Variants in PUM1 observed in about 807,000 individuals in gnomAD.
The protein encoded by PUM1 is pumilio RNA binding family member 1, also known as pumilio homolog 1.
In PUM1, 13 loss-of-function variants were observed where a neutral mutation model predicts 131.8. The observed-to-expected ratio is 0.10, with a 90% CI of 0.06 to 0.16. The LOEUF (loss-of-function observed/expected upper bound fraction) is 0.16, where lower values mean the gene tolerates loss of function less well. PUM1 is among the 10% of genes least tolerant of loss of function. The pLI is 1.00. For synonymous variants in PUM1, 509 were observed against 556.5 expected (o/e 0.91, Z 1.20); for missense variants, 961 against 1,512.4 (o/e 0.64, Z 6.05).
chr1:30,952,005 G>A (rs1460553641), intron 16 of PUM1, among the ~76,000 whole-genome samples: 2 of 152,152 alleles, frequency 1.3e-5, no homozygotes, highest in African/African-American at 2.4e-5. Flanking sequence ...ACCAGTTTTC[G>A]AAACACATTT....
intron 20 of PUM1, among the ~76,000 whole-genome samples, 186 bp downstream of exon 20, chr1:30,940,965 C>G (rs1324665085): frequency 2.6e-5 from 4 of 152,156 alleles, no homozygotes; most frequent in Non-Finnish European, 5.9e-5. Flanking sequence ...CTGACTCTAT[C>G]AGAGTAAGAA....
At chr1:31,049,597 T>C (rs1050887870) in intron 2 of PUM1, among the ~76,000 whole-genome samples, 3 of 151,484 alleles carry the variant, frequency 2.0e-5, no homozygotes, top group Non-Finnish European at 4.4e-5. Context: ...GGAGAACTGC[T>C]TGAACCCAGG....
At chr1:31,016,569 TAA>T (rs1240511512) in intron 3 of PUM1, among the ~76,000 whole-genome samples, 1 of 152,170 alleles carries the variant, frequency 6.6e-6, no homozygotes, top group Non-Finnish European at 1.5e-5. Context: ...TACTTACATG[TAA>T]AGATGTTAAA....
intron 2 of PUM1, among the ~76,000 whole-genome samples, chr1:31,057,724 C>CAA (rs58490041): frequency 0.046 from 3,293 of 71,856 alleles, 171 homozygotes; most frequent in African/African-American, 0.12. Context: ...GACTCCATCT[C>CAA]AAAAAAAAAA....
At chr1:31,001,032 G>GA (rs1039573779) in intron 5 of PUM1, among the ~76,000 whole-genome samples, 1 of 151,746 alleles carries the variant, frequency 6.6e-6, no homozygotes, top group Non-Finnish European at 1.5e-5. Flanking sequence ...TAAAAATACA[G>GA]AAAAATTAGC....
intron 15 of PUM1, among the ~76,000 whole-genome samples, chr1:30,952,915 G>A (rs1260718664): frequency 6.6e-6 from 1 of 151,972 alleles, no homozygotes; most frequent in Non-Finnish European, 1.5e-5. Flanking sequence ...GGCAGAGCTT[G>A]CAATGAGCCA....
intron 3 of PUM1, among the ~76,000 whole-genome samples, chr1:31,009,999 T>C (rs1642549676): frequency 6.6e-6 from 1 of 152,042 alleles, no homozygotes; most frequent in African/African-American, 2.4e-5. Context: ...GAGAAGCAGG[T>C]GAACACATAA....
At chr1:31,039,804 C>T (rs1461164758) in intron 2 of PUM1, among the ~76,000 whole-genome samples, 3 of 152,044 alleles carry the variant, frequency 2.0e-5, no homozygotes, top group Admixed American at 2.0e-4. Flanking sequence ...GAGGCTGTGG[C>T]AGGATAATCG....
In PUM1 at chr1:31,056,913, C is replaced by T. The variant is rs1644254665; in HGVS notation, c.363+2291G>A. ...GTTCAAGTGACTCTCCTGCCTCAGC[C>T]TTCCAAGTAGCTGGGATTACAAGCA... On this transcript the variant is annotated intron_variant, in intron 2 of 21. Coordinates refer to ENST00000426105, the MANE Select transcript of PUM1 (RefSeq NM_001020658.2). 3.3e-5 allele frequency among the ~76,000 whole-genome samples: 5 copies of T among 152,236 alleles called. No homozygotes were observed. In the South Asian group the frequency reaches 1.0e-3, roughly 32 times the overall value.
chr1:30,933,309 T>C lies in PUM1; in HGVS notation c.3469A>G (p.Thr1157Ala), dbSNP rs774335546. The change falls in exon 22 of 22, where the codon ACC becomes GCC. Residue 1157 changes from threonine (T) to alanine (A), a missense_variant. Around this residue, in one of 4 missense-constraint regions of PUM1, gnomAD observed 178 missense variants for 327.5 expected, o/e 0.54. Coordinates refer to ENST00000426105, the MANE Select transcript of PUM1 (RefSeq NM_001020658.2). Reference sequence around the variant, plus strand: ...TTGGCCAGAATGTGCTTGCCATAGGTGTACTTACGAAGAGTTGCGATGTGG... The same window carrying C: ...TTGGCCAGAATGTGCTTGCCATAGGCGTACTTACGAAGAGTTGCGATGTGG... ...RPHIATLRKYTYGKHILAKLE... is the reference protein window; with the variant it reads ...RPHIATLRKYAYGKHILAKLE... The C allele has an allele frequency of 1.2e-6, 2 of 1,613,750 alleles. No homozygotes were observed. Among genetic ancestry groups the C allele is most frequent in the Non-Finnish European group, 1.7e-6 (2 of 1,179,746 alleles).
At chr1:30,957,519 T>C (rs1640220254) in intron 14 of PUM1, among the ~76,000 whole-genome samples, 1 of 152,238 alleles carries the variant, frequency 6.6e-6, no homozygotes, top group South Asian at 2.1e-4. Flanking sequence ...GAAACATTTC[T>C]CATAAGGCTT....
At position 31,006,903 on chromosome 1, in the gene PUM1, C is replaced by A. The variant is rs1244760541; in HGVS notation, c.541+91G>T. Reference sequence around the variant, plus strand: ...AGGACACTGCTTGACATGCTTATGTCACTGATGTAAAATTCATGACTTGCC... The same window carrying A: ...AGGACACTGCTTGACATGCTTATGTAACTGATGTAAAATTCATGACTTGCC... On this transcript the variant is annotated intron_variant, in intron 4 of 21. Transcript: ENST00000426105. 6.5e-6 allele frequency: 6 copies of A among 926,642 alleles called. No homozygotes were observed. In the East Asian group the frequency reaches 9.7e-5, roughly 15 times the overall value. 57.4% of individuals were successfully genotyped at this position (926,642 alleles called of 1,614,324 possible). A position where few individuals can be genotyped will look rare whatever the true frequency, so the allele number is the denominator to read the frequency against.
intron 3 of PUM1, among the ~76,000 whole-genome samples, chr1:31,011,297 C>T (rs1247585956): frequency 6.6e-6 from 1 of 152,014 alleles, no homozygotes; most frequent in Admixed American, 6.5e-5. Flanking sequence ...ATATTTGAAA[C>T]ACTTCTTTAG....
intron 9 of PUM1, among the ~76,000 whole-genome samples, chr1:30,978,993 A>C (rs1418579017): frequency 1.3e-5 from 2 of 152,026 alleles, no homozygotes; most frequent in Admixed American, 1.3e-4. Context: ...AGCCCTAGCT[A>C]CTCAGGAGGC....
intron 20 of PUM1, among the ~76,000 whole-genome samples, chr1:30,939,500 A>G (rs569119163): frequency 6.6e-6 from 1 of 152,338 alleles, no homozygotes; most frequent in East Asian, 1.9e-4. Flanking sequence ...AAGACTGGGA[A>G]GTGACCACAG....
chr1:31,019,128 GA>G (rs1642929083), intron 3 of PUM1, among the ~76,000 whole-genome samples: 1 of 152,176 alleles, frequency 6.6e-6, no homozygotes, highest in Admixed American at 6.5e-5. Context: ...TGAGGCGAGC[GA>G]ATCGCTTGAG....
At chr1:31,051,765 T>A (rs1644115477) in intron 2 of PUM1, among the ~76,000 whole-genome samples, 1 of 152,170 alleles carries the variant, frequency 6.6e-6, no homozygotes, top group South Asian at 2.1e-4. Context: ...AGGGCAAAGC[T>A]TCTACCTCTG....
In PUM1 at chr1:30,965,150, A is replaced by G. The variant is rs1310884477; in HGVS notation, c.2087-240T>C. On this transcript the variant is annotated intron_variant, in intron 13 of 21. Coordinates refer to ENST00000426105, the MANE Select transcript of PUM1 (RefSeq NM_001020658.2). ...ACCTTCCTATGGTGTCGTATATTAT[A>G]GGATAAGGGAGGGTTAAAAAGCTCT... 5.3e-5 allele frequency among the ~76,000 whole-genome samples: 8 copies of G among 152,334 alleles called. No individual in the cohort carries two copies. The East Asian group carries it at 1.2e-3, about 22-fold the overall frequency.
chr1:31,044,867 T>C (rs754418821), intron 2 of PUM1, among the ~76,000 whole-genome samples: 1 of 152,174 alleles, frequency 6.6e-6, no homozygotes, highest in African/African-American at 2.4e-5. Flanking sequence ...TGGAGTGCAA[T>C]GGCACGATCT....
Sources: allele counts gnomAD v4.1 joint callset (sites outside exome capture counted in the v4.1 genomes callset), GRCh38; gene constraint gnomAD v4.1.1; regional missense constraint gnomAD v4.1.1; transcripts MANE v1.5; gene names NCBI Gene and HGNC (gene_info 2026-07-23, HGNC 2026-07-21).